Variants in NUP153 observed in about 807,000 individuals in gnomAD.
NUP153 encodes the protein nucleoporin 153, also known as nuclear pore complex protein Nup153.
NUP153 carries 27 observed loss-of-function variants against 134.6 expected under a neutral mutation model. The observed-to-expected ratio is 0.20, with a 90% CI of 0.15 to 0.28. The LOEUF (loss-of-function observed/expected upper bound fraction) is 0.28, where lower values mean the gene tolerates loss of function less well. Among genes scored for constraint, NUP153 ranks in the 10% least tolerant of loss-of-function variants. NUP153 has a pLI of 1.00. For missense variants in NUP153, 1,821 were observed against 1,731.3 expected (o/e 1.05, Z -0.92); for synonymous variants, 640 against 623.5 (o/e 1.03, Z -0.40).
At chr6:17,701,844 G>GGGGGGA (rs1554148666) in intron 1 of NUP153, among the ~76,000 whole-genome samples, 23 of 81,750 alleles carry the variant, frequency 2.8e-4, no homozygotes, top group African/African-American at 9.1e-4. Flanking sequence ...GGGGGGGGGG[G>GGGGGGA]AAAAAAGCTA....
intron 2 of NUP153, among the ~76,000 whole-genome samples, chr6:17,677,841 A>G (rs559284310): frequency 6.6e-6 from 1 of 151,314 alleles, no homozygotes; most frequent in African/African-American, 2.4e-5. Context: ...GATATTACAA[A>G]TGGGATCCTT....
intron 2 of NUP153, among the ~76,000 whole-genome samples, chr6:17,679,428 G>C (rs556930155): frequency 1.3e-5 from 2 of 152,256 alleles, no homozygotes; most frequent in South Asian, 4.1e-4. Flanking sequence ...ATATTGTTGG[G>C]ATGTCAATAC....
chr6:17,661,123 GGCCAAC>G (rs1767149232), intron 11 of NUP153, among the ~76,000 whole-genome samples: 1 of 152,060 alleles, frequency 6.6e-6, no homozygotes, highest in Non-Finnish European at 1.5e-5. Flanking sequence ...GACCCAGCCT[GGCCAAC>G]ATGGTGAAAC....
At chr6:17,664,670 A>C (rs1210744966) in intron 9 of NUP153, among the ~76,000 whole-genome samples, 1 of 152,198 alleles carries the variant, frequency 6.6e-6, no homozygotes, top group Non-Finnish European at 1.5e-5. Flanking sequence ...ACCACATGAA[A>C]GAAACAGATA....
intron 11 of NUP153, among the ~76,000 whole-genome samples, 188 bp from the exon 12 acceptor site, chr6:17,649,488 G>A (rs1233286973): frequency 1.3e-5 from 2 of 152,110 alleles, no homozygotes; most frequent in Non-Finnish European, 2.9e-5. Context: ...CATTTGACTT[G>A]GGGAACCTAA....
chr6:17,665,168 T>C (rs563380242), intron 9 of NUP153, 71 bp downstream of exon 9: 7 of 1,143,984 alleles, frequency 6.1e-6, no homozygotes, highest in Non-Finnish European at 8.8e-6. Context: ...ATGGTAGTTA[T>C]ATTTTACATT....
At chr6:17,653,010 T>C (rs141574342) in intron 11 of NUP153, among the ~76,000 whole-genome samples, 398 of 152,178 alleles carry the variant, frequency 2.6e-3, no homozygotes, top group African/African-American at 9.2e-3. Context: ...GCCTAGCATT[T>C]GGTAGGCCGA....
At chr6:17,669,575 G>T in intron 5 of NUP153, 29 bp from the exon 6 acceptor site, 2 of 1,432,558 alleles carry the variant, frequency 1.4e-6, no homozygotes, top group Non-Finnish European at 2.0e-6. Context: ...ATTATTTGTT[G>T]CAACATAAAA....
chr6:17,687,075 C>T (rs551239618), intron 2 of NUP153, among the ~76,000 whole-genome samples: 116 of 152,154 alleles, frequency 7.6e-4, no homozygotes, highest in Non-Finnish European at 1.4e-3. Flanking sequence ...TTTGAGTTGA[C>T]CTTGGCATAA....
intron 5 of NUP153, among the ~76,000 whole-genome samples, chr6:17,673,121 C>A (rs1768013673): frequency 6.6e-6 from 1 of 152,172 alleles, no homozygotes; most frequent in Non-Finnish European, 1.5e-5. Flanking sequence ...GTAATCCCAG[C>A]ACTTTGGGAG....
intron 1 of NUP153, among the ~76,000 whole-genome samples, chr6:17,703,724 T>C (rs971426642): frequency 6.6e-6 from 1 of 152,154 alleles, no homozygotes; most frequent in African/African-American, 2.4e-5. Flanking sequence ...TGGTAGTTTC[T>C]GCCAATATTA....
Position 17,661,553 on chromosome 6 carries a change from C to T in NUP153, c.1395+100G>A, listed in dbSNP as rs1368311937. 22 of 1,145,428 alleles carry T rather than the reference C, an allele frequency of 1.9e-5. No homozygotes were observed. The East Asian group carries it at 2.2e-4, about 12-fold the overall frequency. The allele number at this position is 1,145,428 out of a possible 1,614,324, so 71.0% of individuals were successfully genotyped here. ...GATTCAATAGCAGATTAATTTTGCT[C>T]TGGGTCTCTTCGAACCCCACCCCTA... On this transcript the variant is annotated intron_variant, in intron 11 of 21. Coordinates refer to ENST00000262077, the MANE Select transcript of NUP153 (RefSeq NM_005124.4).
rs6936057 is a variant in NUP153, at chr6:17,662,616, G to A, written c.1216-546C>T. 2.5e-3 allele frequency among the ~76,000 whole-genome samples: 375 copies of A among 152,186 alleles called. 5 individuals carry two copies. The highest frequency in any genetic ancestry group is 8.4e-3 in the African/African-American group (348 of 41,512). On this transcript the variant is annotated intron_variant, in intron 9 of 21. Transcript: ENST00000262077. Reference sequence around the variant, plus strand: ...ACTAGTGGCTGAAAAGAATATAATTGGGAAGTTTCCTTCCCACAAAATACT... The same window carrying A: ...ACTAGTGGCTGAAAAGAATATAATTAGGAAGTTTCCTTCCCACAAAATACT...
chr6:17,688,634 A>G lies in NUP153; in HGVS notation c.112-16T>C. 1.3e-6 allele frequency: 2 copies of G among 1,563,170 alleles called. No homozygotes were observed. Among genetic ancestry groups the G allele is most frequent in the Non-Finnish European group, 1.8e-6 (2 of 1,140,382 alleles). ...TAAGAATGCCCTGTTGAGAGAAAAA[A>G]CATATTATGACAGTTTTAGAAATTT... On this transcript the variant is annotated splice_polypyrimidine_tract_variant and intron_variant, in intron 1 of 21. Coordinates refer to ENST00000262077, the MANE Select transcript of NUP153 (RefSeq NM_005124.4).
intron 2 of NUP153, among the ~76,000 whole-genome samples, chr6:17,677,461 GCAGA>G (rs1467542018): frequency 6.6e-6 from 1 of 152,150 alleles, no homozygotes; most frequent in African/African-American, 2.4e-5. Context: ...ACCAAAGGTA[GCAGA>G]CAAAGACCTT....
chr6:17,618,857 C>T (rs955776431), intron 20 of NUP153, among the ~76,000 whole-genome samples: 10 of 152,112 alleles, frequency 6.6e-5, no homozygotes, highest in East Asian at 3.9e-4. Flanking sequence ...TGAGCCACTG[C>T]GCCCAGCAGA....
chr6:17,699,492 A>AAAG (rs1362191783), intron 1 of NUP153, among the ~76,000 whole-genome samples: 2 of 150,266 alleles, frequency 1.3e-5, no homozygotes, highest in Non-Finnish European at 3.0e-5. Context: ...AAAAAAAAAA[A>AAAG]AAAAAGAAAA....
Position 17,706,354 on chromosome 6 carries a change from C to G in NUP153, c.34G>C (p.Gly12Arg). The G allele has an allele frequency of 6.2e-7, 1 of 1,613,144 alleles. No homozygotes were observed. Among genetic ancestry groups the G allele is most frequent in the Non-Finnish European group, 8.5e-7 (1 of 1,179,696 alleles). ...ASGAGGVGGGGGGKIRTRRCH... is the reference protein window; with the variant it reads ...ASGAGGVGGGRGGKIRTRRCH... ...CGCCGCGTCCGGATCTTGCCGCCAC[C>G]GCCCCCTCCGACTCCTCCGGCTCCC... Residue 12 changes from glycine to arginine, a missense_variant, in exon 1 of 22, where the codon GGT (glycine) becomes CGT (arginine). Physicochemically the swap from Gly to Arg is moderately radical, Grantham distance 125. Transcript: ENST00000262077. The surrounding 1 kb of genome is among the most constrained non-coding windows in gnomAD (Gnocchi z 5.9).
intron 1 of NUP153, among the ~76,000 whole-genome samples, chr6:17,700,714 T>C (rs1394972560): frequency 1.3e-5 from 2 of 152,168 alleles, no homozygotes; most frequent in African/African-American, 2.4e-5. Flanking sequence ...TAAACCATGG[T>C]ATAGCAAACA....
Sources: allele counts gnomAD v4.1 joint callset (sites outside exome capture counted in the v4.1 genomes callset), GRCh38; gene constraint gnomAD v4.1.1; non-coding constraint Gnocchi (gnomAD v3.1); transcripts MANE v1.5; gene names NCBI Gene and HGNC (gene_info 2026-07-23, HGNC 2026-07-21).